The following CBR4 variants were observed in gnomAD, a reference collection of about 807,000 sequenced individuals.
CBR4 encodes the protein 3-oxoacyl-[acyl-carrier-protein] reductase.
In CBR4, 22 loss-of-function variants were observed where a neutral mutation model predicts 21.0. The ratio of observed to expected loss-of-function variants is 1.05; its 90% CI spans 0.75 to 1.50. CBR4 has a LOEUF of 1.50. CBR4 is among the 40% of genes most tolerant of loss of function. The probability of loss-of-function intolerance (pLI) is 0.00; values close to 1 mark genes in which losing one functional copy is unlikely to be tolerated. For missense variants in CBR4, 302 were observed against 286.3 expected, an observed-to-expected ratio of 1.05 and a Z score of -0.40; for synonymous variants, 100 against 104.4, an observed-to-expected ratio of 0.96 and a Z score of 0.26.
chr4:168,913,313 T>C (rs1052742412), intron 2 of CBR4, among the ~76,000 whole-genome samples: 2 of 151,780 alleles, frequency 1.3e-5, no homozygotes, highest in African/African-American at 4.8e-5. Context: ...ATTTTTGTAT[T>C]TTTTTAGTAG....
At chr4:168,929,333 T>C (rs1762890695) in intron 2 of CBR4, among the ~76,000 whole-genome samples, 1 of 152,206 alleles carries the variant, frequency 6.6e-6, no homozygotes, top group South Asian at 2.1e-4. Context: ...ACAGCCTCCA[T>C]AAGGTGAAAA....
At chr4:168,921,593 T>C in intron 2 of CBR4, 1 of 1,610,262 alleles carries the variant, frequency 6.2e-7, no homozygotes, top group Non-Finnish European at 8.5e-7. Context: ...CCGTACGCCC[T>C]GACAGTGCTC....
intron 2 of CBR4, among the ~76,000 whole-genome samples, chr4:168,934,282 C>CAAAAAAAA (rs60538970): frequency 6.0e-4 from 11 of 18,196 alleles, no homozygotes; most frequent in South Asian, 3.3e-3. Context: ...GCAAAAAAAA[C>CAAAAAAAA]AAAAAAAAAA....
chr4:168,958,853 G>A (rs1293290999), intron 2 of CBR4, among the ~76,000 whole-genome samples: 1 of 152,062 alleles, frequency 6.6e-6, no homozygotes, highest in Non-Finnish European at 1.5e-5. Context: ...TTTTGTGAAA[G>A]GTCTATTCAA....
intron 2 of CBR4, chr4:168,925,368 A>G (rs1762376395): frequency 1.0e-6 from 1 of 977,760 alleles, no homozygotes; most frequent in African/African-American, 1.6e-5. Context: ...TTACTCAAGC[A>G]TCCTTAGGAG....
At chr4:168,951,736 C>T (rs1763545668) in intron 2 of CBR4, among the ~76,000 whole-genome samples, 1 of 152,206 alleles carries the variant, frequency 6.6e-6, no homozygotes, top group African/African-American at 2.4e-5. Context: ...AGGCTGAAGA[C>T]AGGGCCCCAA....
At chr4:168,967,228 C>T (rs1764068594) in intron 2 of CBR4, among the ~76,000 whole-genome samples, 1 of 152,034 alleles carries the variant, frequency 6.6e-6, no homozygotes, top group South Asian at 2.1e-4. Context: ...AAGCTGGAAA[C>T]CATCATTCTA....
intron 2 of CBR4, among the ~76,000 whole-genome samples, chr4:168,914,978 A>G (rs1333262172): frequency 3.3e-5 from 5 of 152,230 alleles, no homozygotes; most frequent in Non-Finnish European, 4.4e-5. Context: ...GGGTATAAAC[A>G]TAGCATATAC....
Position 168,957,242 on chromosome 4 carries a change from G to C in CBR4, n.169+44829C>G, listed in dbSNP as rs908736811. ...AACCAATATTAAACATTCTTATTTA[G>C]GCTAAATTAAAAATGATTTACTTAC... On this transcript the variant is annotated intron_variant and non_coding_transcript_variant, in intron 2 of 3. Coordinates refer to the CBR4 transcript ENST00000509108. Among the ~76,000 whole-genome samples, 44 of 151,904 alleles carry C rather than the reference G, an allele frequency of 2.9e-4. 1 individual carries two copies. The highest frequency in any genetic ancestry group is 9.9e-4 in the African/African-American group (41 of 41,332).
chr4:168,897,356 ACT>A (rs1456714762), intron 2 of CBR4, among the ~76,000 whole-genome samples: 1 of 152,240 alleles, frequency 6.6e-6, no homozygotes, highest in Non-Finnish European at 1.5e-5. Flanking sequence ...TTTTTTAAAC[ACT>A]GAGTAACTTC....
rs1006747696 is a variant in CBR4 at position 168,952,749 on chromosome 4, C to T, written n.169+49322G>A. On this transcript the variant is annotated intron_variant and non_coding_transcript_variant, in intron 2 of 3. Transcript: ENST00000509108. ...AAGCTGGTACTGGGGGTTGTCTGCA[C>T]GAGTCCTGTGATATGAACTGTCTAT... Among the ~76,000 whole-genome samples, 3 of 152,296 alleles carry T rather than the reference C, an allele frequency of 2.0e-5. No homozygotes were observed. The South Asian group carries it at 6.2e-4, about 32-fold the overall frequency.
chr4:168,934,232 G>A (rs1169567051), intron 2 of CBR4, among the ~76,000 whole-genome samples: 1 of 112,414 alleles, frequency 8.9e-6, no homozygotes, highest in African/African-American at 3.5e-5. Flanking sequence ...CCACTGGCAA[G>A]ACCCAGTCTC....
In CBR4 at chr4:168,988,796, G is replaced by GA. The variant is rs1764782256; in HGVS notation, c.*1353dup. On this transcript the variant is annotated 3_prime_UTR_variant, in exon 5 of 5. Coordinates refer to ENST00000306193, the MANE Select transcript of CBR4 (RefSeq NM_032783.5). The stretch of plus-strand genomic sequence containing the variant: ...TTTAAAATAATTTTTAAGGAACCCA[G>GA]AATTTTTATTTAGAACACTGCTTTG... 3.1e-6 allele frequency: 3 copies of GA among 953,404 alleles called. No individual in the cohort carries two copies. In the South Asian group the frequency reaches 1.4e-4, roughly 46 times the overall value. 59.1% of individuals were successfully genotyped at this position (953,404 alleles called of 1,614,324 possible).
intron 2 of CBR4, among the ~76,000 whole-genome samples, chr4:168,900,591 G>A (rs114687036): frequency 0.011 from 1,716 of 152,172 alleles, 48 homozygotes; most frequent in African/African-American, 0.039. Context: ...GCATTGTTTT[G>A]TTTTCCCACC....
intron 2 of CBR4, among the ~76,000 whole-genome samples, chr4:168,939,719 C>G (rs541492130): frequency 6.6e-6 from 1 of 151,980 alleles, no homozygotes; most frequent in Non-Finnish European, 1.5e-5. Context: ...TACTTAGGAA[C>G]CCAACTTACA....
rs1024869749 is a variant in CBR4 at position 168,995,772 on chromosome 4, G to A, written c.536-5444C>T. On this transcript the variant is annotated intron_variant, in intron 4 of 4. Coordinates refer to ENST00000306193, the MANE Select transcript of CBR4 (RefSeq NM_032783.5). Reference sequence around the variant, plus strand: ...TACTGCATCTCCTGGAGAGTTAGACGTTTCCAGTTTGGAGGACAGACATGT... The same window carrying A: ...TACTGCATCTCCTGGAGAGTTAGACATTTCCAGTTTGGAGGACAGACATGT... 5.3e-5 allele frequency among the ~76,000 whole-genome samples: 8 copies of A among 152,072 alleles called. No individual in the cohort carries two copies. In the South Asian group the frequency reaches 1.0e-3, roughly 20 times the overall value.
intron 2 of CBR4, among the ~76,000 whole-genome samples, chr4:168,949,975 T>C (rs1047302314): frequency 1.3e-5 from 2 of 152,202 alleles, no homozygotes; most frequent in Non-Finnish European, 2.9e-5. Flanking sequence ...CCATTTCGTT[T>C]CTTATTGAGG....
chr4:168,992,170 A>C (rs773696326), intron 4 of CBR4, among the ~76,000 whole-genome samples: 1 of 152,246 alleles, frequency 6.6e-6, no homozygotes, highest in Non-Finnish European at 1.5e-5. Flanking sequence ...TGACACTTTC[A>C]TTAGGAAAAA....
intron 4 of CBR4, among the ~76,000 whole-genome samples, chr4:168,996,197 C>A (rs1765191917): frequency 6.6e-6 from 1 of 152,128 alleles, no homozygotes; most frequent in Admixed American, 6.5e-5. Flanking sequence ...GTGAGAGAGG[C>A]CAAGTTGAAA....
Sources: allele counts gnomAD v4.1 joint callset (sites outside exome capture counted in the v4.1 genomes callset), GRCh38; gene constraint gnomAD v4.1.1; transcripts MANE v1.5; gene names NCBI Gene and HGNC (gene_info 2026-07-23, HGNC 2026-07-21).